TESK2: variants seen among roughly 807,000 people sequenced by gnomAD.
TESK2 encodes the protein dual specificity testis-specific protein kinase 2.
In TESK2, 39 loss-of-function variants were observed where a neutral mutation model predicts 57.1. The observed-to-expected ratio is 0.68, with a 90% CI of 0.53 to 0.89. The LOEUF (loss-of-function observed/expected upper bound fraction) is 0.89. TESK2 is among the 40% of genes least tolerant of loss of function. The pLI, the probability that TESK2 is intolerant of heterozygous loss-of-function variation, is 0.00. For synonymous variants in TESK2, 249 were observed against 267.9 expected, an observed-to-expected ratio of 0.93 and a Z score of 0.69; for missense variants, 646 against 732.1, an observed-to-expected ratio of 0.88 and a Z score of 1.36.
chr1:45,408,713 G>C (rs550628583), intron 3 of TESK2, among the ~76,000 whole-genome samples: 2 of 152,266 alleles, frequency 1.3e-5, no homozygotes, highest in South Asian at 2.1e-4. Context: ...CAAGTGGCAG[G>C]GTTGAGGGTA....
chr1:45,361,082 T>TGAGGATTCA (rs1297761030), intron 4 of TESK2, among the ~76,000 whole-genome samples: 24 of 152,196 alleles, frequency 1.6e-4, no homozygotes, highest in Non-Finnish European at 2.2e-4. Flanking sequence ...CCTCCCAAAG[T>TGAGGATTCA]GCTAGGATTA....
intron 1 of TESK2, among the ~76,000 whole-genome samples, chr1:45,463,996 T>C (rs780635108): frequency 1.3e-5 from 2 of 152,178 alleles, no homozygotes; most frequent in Non-Finnish European, 2.9e-5. Flanking sequence ...TTCTTTTTGC[T>C]CAGGAGGCTT....
At chr1:45,459,988 A>T (rs1158806643) in intron 1 of TESK2, among the ~76,000 whole-genome samples, 1 of 152,216 alleles carries the variant, frequency 6.6e-6, no homozygotes, top group Non-Finnish European at 1.5e-5. Context: ...GCATGTTCTC[A>T]CTTATAACTA....
intron 1 of TESK2, among the ~76,000 whole-genome samples, chr1:45,478,612 C>T (rs189431221): frequency 2.6e-5 from 4 of 152,282 alleles, no homozygotes; most frequent in South Asian, 2.1e-4. Flanking sequence ...GCACCTCTTA[C>T]GGGCCAGGCA....
At chr1:45,423,307 C>T (rs1650556182) in intron 2 of TESK2, among the ~76,000 whole-genome samples, 3 of 152,136 alleles carry the variant, frequency 2.0e-5, no homozygotes, top group Admixed American at 2.0e-4. Context: ...CCTGTAATCC[C>T]AGGACTTTGG....
intron 3 of TESK2, among the ~76,000 whole-genome samples, chr1:45,418,413 T>A (rs1650335555): frequency 6.6e-6 from 1 of 152,220 alleles, no homozygotes; most frequent in Non-Finnish European, 1.5e-5. Flanking sequence ...TAGTTTCTGC[T>A]CAGAATCCAA....
intron 4 of TESK2, among the ~76,000 whole-genome samples, chr1:45,379,969 G>A (rs1449355856): frequency 6.6e-6 from 1 of 151,996 alleles, no homozygotes; most frequent in Non-Finnish European, 1.5e-5. Context: ...CATGATCTCG[G>A]CTCACTGCAA....
At chr1:45,398,983 G>GAAAACAAAAA in intron 3 of TESK2, 1 of 234,526 alleles carries the variant, frequency 4.3e-6, no homozygotes. Context: ...ACTAGGACCT[G>GAAAACAAAAA]AAAAAAAAAA....
intron 3 of TESK2, among the ~76,000 whole-genome samples, chr1:45,405,375 G>C (rs997490519): frequency 1.3e-5 from 2 of 151,980 alleles, no homozygotes; most frequent in East Asian, 3.9e-4. Context: ...CATGTGTATG[G>C]TGGTTTGAAA....
At chr1:45,404,411 G>A (rs565340244) in intron 3 of TESK2, among the ~76,000 whole-genome samples, 1 of 152,246 alleles carries the variant, frequency 6.6e-6, no homozygotes, top group South Asian at 2.1e-4. Flanking sequence ...TTCTTCAAGG[G>A]AACAAACGAT....
intron 4 of TESK2, among the ~76,000 whole-genome samples, chr1:45,372,968 C>T (rs1172183341): frequency 6.4e-5 from 9 of 140,962 alleles, no homozygotes; most frequent in African/African-American, 2.2e-4. Context: ...GCGGAGGTTG[C>T]GGTGAGCCGA....
intron 2 of TESK2, among the ~76,000 whole-genome samples, chr1:45,445,084 C>T (rs926712150): frequency 1.3e-5 from 2 of 152,224 alleles, no homozygotes; most frequent in South Asian, 4.1e-4. Context: ...TCAGATGGCA[C>T]CACCTGGATT....
chr1:45,417,536 T>C (rs1650292598), intron 3 of TESK2, among the ~76,000 whole-genome samples: 1 of 152,238 alleles, frequency 6.6e-6, no homozygotes, highest in Admixed American at 6.5e-5. Flanking sequence ...TTTGCTTTTG[T>C]TGCTTGTGCA....
chr1:45,443,234 T>C (rs1387047806), intron 2 of TESK2, among the ~76,000 whole-genome samples: 1 of 152,104 alleles, frequency 6.6e-6, no homozygotes, highest in Non-Finnish European at 1.5e-5. Flanking sequence ...GATGACCAGA[T>C]GATCCTAAAT....
At chr1:45,390,205 C>T (rs1649078122) in intron 3 of TESK2, among the ~76,000 whole-genome samples, 1 of 152,090 alleles carries the variant, frequency 6.6e-6, no homozygotes, top group Non-Finnish European at 1.5e-5. Flanking sequence ...CCAAGGCGGG[C>T]AGATCTCTTG....
chr1:45,345,018 A>G lies in TESK2; in HGVS notation c.1538T>C (p.Met513Thr). The change falls in exon 11 of 11, where the codon ATG (methionine) becomes ACG (threonine). Residue 513 changes from methionine (M) to threonine (T), a missense_variant. By Grantham distance (81) the Met-to-Thr change is moderately conservative (BLOSUM62 -1). Transcript: ENST00000372086. The part of the protein sequence containing the change: ...ALPAAQAHEA[M>T]DCSILQEENG... ...TTCTTCCTGGAGAATGGAGCAGTCC[A>G]TAGCCTCATGGGCTTGAGCAGCTGG... 6.2e-7 allele frequency: 1 copy of G among 1,614,270 alleles called. No homozygotes were observed. The highest frequency in any genetic ancestry group is 8.5e-7 in the Non-Finnish European group (1 of 1,180,056).
In TESK2 at chr1:45,421,724, C is replaced by T. The variant is rs1650486564; in HGVS notation, c.344+1G>A. The T allele has an allele frequency of 1.9e-6, 3 of 1,613,840 alleles. No homozygotes were observed. Among genetic ancestry groups the T allele is most frequent in the African/African-American group, 1.3e-5 (1 of 74,878 alleles). ...GATCAGAAGGAAGGAAAAGCCATTA[C>T]CTAAGGATGTTGGGATGGGAGAGTC... On this transcript the variant is annotated splice_donor_variant, in intron 3 of 10. Transcript: ENST00000372086. LOFTEE classifies it high-confidence loss of function.
At chr1:45,422,935 A>G (rs1650538774) in intron 2 of TESK2, among the ~76,000 whole-genome samples, 1 of 150,790 alleles carries the variant, frequency 6.6e-6, no homozygotes, top group South Asian at 2.1e-4. Context: ...GCGCCCAGCT[A>G]ATTTTTGTAT....
intron 3 of TESK2, among the ~76,000 whole-genome samples, chr1:45,420,271 ACT>A (rs762042175): frequency 3.9e-5 from 6 of 152,040 alleles, no homozygotes; most frequent in Non-Finnish European, 7.4e-5. Context: ...ATAGGGTCTC[ACT>A]CTGTCACTCA....
Sources: allele counts gnomAD v4.1 joint callset (sites outside exome capture counted in the v4.1 genomes callset), GRCh38; gene constraint gnomAD v4.1.1; transcripts MANE v1.5; gene names NCBI Gene and HGNC (gene_info 2026-07-23, HGNC 2026-07-21).